The following RYK variants were observed in gnomAD, a reference collection of about 807,000 sequenced individuals.
The protein encoded by RYK is receptor like tyrosine kinase, also known as inactive tyrosine-protein kinase RYK.
In RYK, 21 loss-of-function variants were observed where a neutral mutation model predicts 70.2. That is an observed-to-expected ratio of 0.30 (90% CI 0.21 to 0.43). The LOEUF is 0.43. Among genes scored for constraint, RYK ranks in the 20% least tolerant of loss-of-function variants. The pLI, the probability that RYK is intolerant of heterozygous loss-of-function variation, is 1.00. For synonymous variants in RYK, 267 were observed against 278.0 expected, an observed-to-expected ratio of 0.96 and a Z score of 0.39; for missense variants, 604 against 753.3, an observed-to-expected ratio of 0.80 and a Z score of 2.32.
At chr3:134,168,388 T>G (rs1335828357) in intron 13 of RYK, among the ~76,000 whole-genome samples, 1 of 152,212 alleles carries the variant, frequency 6.6e-6, no homozygotes, top group East Asian at 1.9e-4. Flanking sequence ...CCATCAATGA[T>G]AGACTGGATT....
At chr3:134,213,140 C>T (rs2014452472) in intron 2 of RYK, among the ~76,000 whole-genome samples, 1 of 152,164 alleles carries the variant, frequency 6.6e-6, no homozygotes. Flanking sequence ...AATGAGCAAG[C>T]TCTCCAGCAA....
rs1226089264 is a variant in RYK, at chr3:134,159,421, CA to C, written c.1576-49del. The C allele has an allele frequency of 3.9e-6, 6 of 1,526,228 alleles. 1 individual carries two copies. The highest frequency in any genetic ancestry group is 2.8e-5 in the African/African-American group (2 of 72,192). The allele number at this position is 1,526,228 out of a possible 1,614,324, so 94.5% of individuals were successfully genotyped here. On this transcript the variant is annotated intron_variant, in intron 13 of 14. Coordinates refer to ENST00000623711, the MANE Select transcript of RYK (RefSeq NM_002958.4). ...ATGAGGGGACATTTAAAACAACAGT[CA>C]GGGGGCTAGCGCCCACAGCCAGCTA...
At chr3:134,209,640 A>G (rs997678110) in intron 4 of RYK, 55 bp downstream of exon 4, 1 of 1,263,502 alleles carries the variant, frequency 7.9e-7, no homozygotes, top group Non-Finnish European at 1.1e-6. Flanking sequence ...AACAAACTCT[A>G]TTTTTCACCT....
In RYK at chr3:134,250,079, CA is replaced by C. The variant is rs1167817774; in HGVS notation, c.232+343del. Reference sequence around the variant, plus strand: ...CTAGAGTGACACACATAGAAAGCGTCAAAAAAACTTCGTGCAGCAAGGAAAA... The same window carrying C: ...CTAGAGTGACACACATAGAAAGCGTCAAAAAACTTCGTGCAGCAAGGAAAA... On this transcript the variant is annotated intron_variant, in intron 1 of 14. Transcript: ENST00000623711. Among the ~76,000 whole-genome samples the C allele has an allele frequency of 2.6e-5, 4 of 151,988 alleles. No individual in the cohort carries two copies. In the South Asian group the frequency reaches 8.3e-4, roughly 32 times the overall value.
chr3:134,247,184 T>A (rs1472544082), intron 1 of RYK, among the ~76,000 whole-genome samples: 1 of 152,172 alleles, frequency 6.6e-6, no homozygotes, highest in Non-Finnish European at 1.5e-5. Flanking sequence ...ATACTGCTAT[T>A]TTTACAAAAA....
intron 8 of RYK, among the ~76,000 whole-genome samples, chr3:134,189,391 A>G (rs982509316): frequency 6.6e-6 from 1 of 152,140 alleles, no homozygotes; most frequent in South Asian, 2.1e-4. Context: ...CATTCCTTCT[A>G]CCACTCACTC....
intron 6 of RYK, among the ~76,000 whole-genome samples, chr3:134,197,678 G>A (rs944707753): frequency 6.6e-6 from 1 of 152,132 alleles, no homozygotes; most frequent in Admixed American, 6.6e-5. Context: ...GGAGGGAAGA[G>A]GAGCATTACC....
chr3:134,211,729 G>A, intron 2 of RYK, 122 bp from the exon 3 acceptor site: 4 of 618,460 alleles, frequency 6.5e-6, no homozygotes, highest in Non-Finnish European at 1.1e-5. Flanking sequence ...AAATAATCTA[G>A]CTATAAAAAA....
chr3:134,165,644 C>T (rs1275697491), intron 13 of RYK, among the ~76,000 whole-genome samples: 1 of 152,176 alleles, frequency 6.6e-6, no homozygotes, highest in African/African-American at 2.4e-5. Flanking sequence ...GTACGTTCCA[C>T]CTAGCTGAGA....
At chr3:134,165,304 A>G (rs2012622893) in intron 13 of RYK, among the ~76,000 whole-genome samples, 1 of 152,226 alleles carries the variant, frequency 6.6e-6, no homozygotes, top group African/African-American at 2.4e-5. Flanking sequence ...TACATAAATG[A>G]TCATACTATT....
Position 134,227,159 on chromosome 3 carries a change from C to G in RYK, c.233-4620G>C, listed in dbSNP as rs77648427. The stretch of plus-strand genomic sequence containing the variant: ...TATTAGCAACAACTAGAAAATAAAA[C>G]TTAAAAAATCAATACTATAACATTA... On this transcript the variant is annotated intron_variant, in intron 1 of 14. Coordinates refer to ENST00000623711, the MANE Select transcript of RYK (RefSeq NM_002958.4). 6.3e-4 allele frequency among the ~76,000 whole-genome samples: 96 copies of G among 152,186 alleles called. 1 individual carries two copies. The East Asian group carries it at 0.016, about 26-fold the overall frequency.
chr3:134,212,139 A>T (rs1330461486), intron 2 of RYK, among the ~76,000 whole-genome samples: 1 of 151,982 alleles, frequency 6.6e-6, no homozygotes, highest in Admixed American at 6.6e-5. Flanking sequence ...CCAAAAAGAA[A>T]GTTCATGTTT....
intron 13 of RYK, among the ~76,000 whole-genome samples, chr3:134,173,604 G>T (rs12374093): frequency 6.6e-6 from 1 of 152,130 alleles, no homozygotes; most frequent in East Asian, 1.9e-4. Flanking sequence ...ATCAGATCTC[G>T]TGAGACTCAC....
At position 134,237,553 on chromosome 3, in the gene RYK, C is replaced by CA. The variant is rs543304422; in HGVS notation, c.232+12869dup. Among the ~76,000 whole-genome samples the CA allele has an allele frequency of 3.1e-3, 475 of 152,032 alleles. 1 individual carries two copies. The highest frequency in any genetic ancestry group is 0.011 in the African/African-American group (442 of 41,516). On this transcript the variant is annotated intron_variant, in intron 1 of 14. Transcript: ENST00000623711. ...AAATGTCAAGAACCATTAGTTAAGG[C>CA]AAAAAAACAAAAGTGATGTCATAGA...
intron 13 of RYK, among the ~76,000 whole-genome samples, chr3:134,163,689 A>G (rs529598766): frequency 6.6e-6 from 1 of 152,362 alleles, no homozygotes; most frequent in East Asian, 1.9e-4. Context: ...CTTACAATGC[A>G]AGGCTCACTT....
At chr3:134,243,337 T>C (rs995590849) in intron 1 of RYK, among the ~76,000 whole-genome samples, 8 of 152,196 alleles carry the variant, frequency 5.3e-5, no homozygotes, top group African/African-American at 1.4e-4. Context: ...ACTGCCTTAG[T>C]TGATCCCTCT....
At chr3:134,214,296 A>C (rs1238756859) in intron 2 of RYK, among the ~76,000 whole-genome samples, 1 of 152,148 alleles carries the variant, frequency 6.6e-6, no homozygotes, top group East Asian at 1.9e-4. Context: ...TCTATCAAAG[A>C]TCCCATCACC....
intron 6 of RYK, among the ~76,000 whole-genome samples, chr3:134,197,572 G>A (rs1240430192): frequency 6.6e-6 from 1 of 152,026 alleles, no homozygotes; most frequent in Admixed American, 6.5e-5. Flanking sequence ...AGTCGTTAGA[G>A]CAAAAAGGGA....
intron 1 of RYK, among the ~76,000 whole-genome samples, chr3:134,238,342 T>C (rs1012657588): frequency 2.0e-5 from 3 of 152,196 alleles, no homozygotes; most frequent in Non-Finnish European, 4.4e-5. Flanking sequence ...CTAAGTGTCT[T>C]GATAGAACTG....
Sources: allele counts gnomAD v4.1 joint callset (sites outside exome capture counted in the v4.1 genomes callset), GRCh38; gene constraint gnomAD v4.1.1; transcripts MANE v1.5; gene names NCBI Gene and HGNC (gene_info 2026-07-23, HGNC 2026-07-21).